The following BCL7C variants were observed in gnomAD, a reference collection of about 807,000 sequenced individuals.
BCL7C encodes B-cell CLL/lymphoma 7 protein family member C.
Under a neutral mutation model 26.2 loss-of-function variants are expected in BCL7C, and 8 were observed. The observed-to-expected ratio is 0.30, with a 90% CI of 0.18 to 0.55. BCL7C has a LOEUF of 0.55. BCL7C is among the 20% of genes least tolerant of loss of function. The pLI, the probability that BCL7C is intolerant of heterozygous loss-of-function variation, is 0.93. For missense variants in BCL7C, 262 were observed against 298.5 expected, an observed-to-expected ratio of 0.88 and a Z score of 0.90; for synonymous variants, 90 against 116.5, an observed-to-expected ratio of 0.77 and a Z score of 1.47.
At chr16:30,838,139 G>A (rs1430910921) in intron 5 of BCL7C, among the ~76,000 whole-genome samples, 2 of 152,188 alleles carry the variant, frequency 1.3e-5, no homozygotes, top group Non-Finnish European at 2.9e-5. Context: ...AAGTGGTTAG[G>A]AGCATGGGCT....
At chr16:30,836,010 T>C (rs2054567223) in intron 5 of BCL7C, among the ~76,000 whole-genome samples, 1 of 151,646 alleles carries the variant, frequency 6.6e-6, no homozygotes, top group East Asian at 1.9e-4. Flanking sequence ...CCCAGCACTT[T>C]GGGAGGCTGA....
chr16:30,869,885 C>G (rs764282047), intron 5 of BCL7C, among the ~76,000 whole-genome samples: 1 of 152,120 alleles, frequency 6.6e-6, no homozygotes, highest in Non-Finnish European at 1.5e-5. Flanking sequence ...AATGAGTAAA[C>G]AAATTATTCC....
At chr16:30,858,836 A>G (rs2054746270) in intron 5 of BCL7C, among the ~76,000 whole-genome samples, 1 of 152,222 alleles carries the variant, frequency 6.6e-6, no homozygotes, top group African/African-American at 2.4e-5. Flanking sequence ...AATGACTCGC[A>G]TGACTAAAGA....
At chr16:30,851,732 C>A in intron 5 of BCL7C, 1 of 613,028 alleles carries the variant, frequency 1.6e-6, no homozygotes, top group South Asian at 1.9e-5. Flanking sequence ...AGCAGCAGAC[C>A]ACCAAACAGT....
chr16:30,867,905 G>A (rs1253088167), intron 5 of BCL7C, among the ~76,000 whole-genome samples: 6 of 152,214 alleles, frequency 3.9e-5, no homozygotes, highest in Non-Finnish European at 7.4e-5. Flanking sequence ...GAAGATGGAG[G>A]GAGGGGCCTC....
chr16:30,878,525 C>G (rs1420020212), intron 5 of BCL7C, among the ~76,000 whole-genome samples: 1 of 148,824 alleles, frequency 6.7e-6, no homozygotes, highest in Non-Finnish European at 1.5e-5. Context: ...GGCGACAGAG[C>G]GAGACTCTAT....
At chr16:30,853,311 C>A (rs578114539) in intron 5 of BCL7C, among the ~76,000 whole-genome samples, 2 of 152,232 alleles carry the variant, frequency 1.3e-5, no homozygotes, top group South Asian at 2.1e-4. Context: ...CACACATACA[C>A]ACACACACAC....
At chr16:30,887,667 G>A, downstream of BCL7C, 1 of 850,782 alleles carries the variant, frequency 1.2e-6, no homozygotes, top group Non-Finnish European at 1.7e-6. Context: ...ACCCCACTCT[G>A]CCTTGTGGTG....
rs151101213 is a variant in BCL7C at position 30,891,059 on chromosome 16, C to T, written c.442+1527G>A. The stretch of plus-strand genomic sequence containing the variant: ...GGTGGCATGCCTGTAATCCCAGCTA[C>T]ATGGGAGGCTGAGGCAGAAGAATCG... On this transcript the variant is annotated intron_variant, in intron 4 of 5. Coordinates refer to ENST00000215115, the MANE Select transcript of BCL7C (RefSeq NM_004765.4). 3.1e-3 allele frequency among the ~76,000 whole-genome samples: 474 copies of T among 150,930 alleles called. 2 individuals are homozygous for T. The highest frequency in any genetic ancestry group is 0.011 in the African/African-American group (444 of 41,022).
At chr16:30,845,387 C>T (rs2054627783) in intron 5 of BCL7C, among the ~76,000 whole-genome samples, 2 of 152,220 alleles carry the variant, frequency 1.3e-5, no homozygotes, top group Non-Finnish European at 2.9e-5. Flanking sequence ...TGCTCTCGTG[C>T]TTGACTCCTC....
rs752364708 is a variant in BCL7C at position 30,893,961 on chromosome 16, CCGGGGCCGAGCCCGCGG to C, written c.-34_-18del. 16 of 1,383,162 alleles carry C rather than the reference CCGGGGCCGAGCCCGCGG, an allele frequency of 1.2e-5. No individual in the cohort carries two copies. In the Admixed American group the frequency reaches 3.8e-4, roughly 33 times the overall value. The allele number at this position is 1,383,162 out of a possible 1,614,324, so 85.7% of individuals were successfully genotyped here. On this transcript the variant is annotated 5_prime_UTR_variant, in exon 1 of 6. Transcript: ENST00000215115. This position sits in a 1 kb window ranked among gnomAD's most constrained non-coding sequence, Gnocchi z 5.2. ...GCCGGCCATGCTGGCGGGGCTGGGG[CCGGGGCCGAGCCCGCGG>C]CGGGGCCGCCTCCCGTCCGGCGGGC...
At chr16:30,870,973 G>A (rs1470613338) in intron 5 of BCL7C, among the ~76,000 whole-genome samples, 1 of 152,206 alleles carries the variant, frequency 6.6e-6, no homozygotes, top group Non-Finnish European at 1.5e-5. Context: ...CGCCTGGGAA[G>A]TAGCGAGGAC....
chr16:30,854,345 GCTAGGT>G (rs1357083664), intron 5 of BCL7C, among the ~76,000 whole-genome samples: 1 of 152,156 alleles, frequency 6.6e-6, no homozygotes, highest in Non-Finnish European at 1.5e-5. Context: ...TGGAAGAGGA[GCTAGGT>G]CATCCATGAC....
chr16:30,886,848 A>G (rs925479348), downstream of BCL7C, among the ~76,000 whole-genome samples: 7 of 152,198 alleles, frequency 4.6e-5, no homozygotes, highest in Admixed American at 3.9e-4. Flanking sequence ...CAGGCCCCCA[A>G]GTCCCTCTGG....
intron 5 of BCL7C, among the ~76,000 whole-genome samples, chr16:30,836,698 A>G (rs1048400346): frequency 6.6e-6 from 1 of 151,494 alleles, no homozygotes; most frequent in Non-Finnish European, 1.5e-5. Context: ...CTGGTCTTGA[A>G]TTTCTGGGCT....
chr16:30,866,236 C>T (rs2054826899), intron 5 of BCL7C, among the ~76,000 whole-genome samples: 1 of 151,898 alleles, frequency 6.6e-6, no homozygotes, highest in African/African-American at 2.4e-5. Context: ...ATCCATAGAG[C>T]AATTTAAGGA....
chr16:30,848,598 A>G (rs918789814), intron 5 of BCL7C, among the ~76,000 whole-genome samples: 1 of 152,042 alleles, frequency 6.6e-6, no homozygotes, highest in Non-Finnish European at 1.5e-5. Context: ...TATTGAAAGT[A>G]GGGTATTGAG....
chr16:30,860,877 C>A (rs1432737657), intron 5 of BCL7C, among the ~76,000 whole-genome samples: 3 of 152,120 alleles, frequency 2.0e-5, no homozygotes, highest in Non-Finnish European at 4.4e-5. Context: ...TCAGGCCAAG[C>A]CAAGTCCCAA....
chr16:30,889,029 G>T, intron 4 of BCL7C, 84 bp from the exon 5 acceptor site: 1 of 1,357,886 alleles, frequency 7.4e-7, no homozygotes, highest in Non-Finnish European at 1.1e-6. Context: ...ATGGTCACAG[G>T]CCCCAGTCAC....
Sources: allele counts gnomAD v4.1 joint callset (sites outside exome capture counted in the v4.1 genomes callset), GRCh38; gene constraint gnomAD v4.1.1; non-coding constraint Gnocchi (gnomAD v3.1); transcripts MANE v1.5; gene names NCBI Gene and HGNC (gene_info 2026-07-23, HGNC 2026-07-21).